Variants in LEPR observed in about 807,000 individuals in gnomAD.
LEPR encodes the protein OB receptor.
LEPR carries 56 observed loss-of-function variants against 114.7 expected under a neutral mutation model. The ratio of observed to expected loss-of-function variants is 0.49; its 90% CI spans 0.39 to 0.61. The LOEUF (loss-of-function observed/expected upper bound fraction) is 0.61. Ranked by LOEUF, LEPR falls within the 20% of genes least tolerant of loss-of-function variation. The pLI is 0.00. For missense variants in LEPR, 1,202 were observed against 1,352.9 expected (o/e 0.89, Z 1.75); for synonymous variants, 443 against 461.4 (o/e 0.96, Z 0.51).
At position 65,636,931 on chromosome 1, in the gene LEPR, T is replaced by C; in HGVS notation, c.3414T>C (p.Phe1138=). The C allele has an allele frequency of 1.2e-6, 2 of 1,608,688 alleles. No individual in the cohort carries two copies. Among genetic ancestry groups the C allele is most frequent in the Non-Finnish European group, 1.7e-6 (2 of 1,178,180 alleles). ...TAGGAACTTCTAGTAAGAAGACTTT[T>C]GCATCTTACATGCCTCAATTCCAAA... is the stretch of plus-strand genomic sequence containing the variant. The part of the protein sequence containing the change: ...INLGTSSKKT[F]ASYMPQFQTC... The change falls in exon 20 of 20, where the codon TTT becomes TTC. Residue 1138 remains phenylalanine, a synonymous_variant. Coordinates refer to ENST00000349533, the MANE Select transcript of LEPR (RefSeq NM_002303.6).
chr1:65,535,507 C>T (rs1284687335), intron 2 of LEPR, among the ~76,000 whole-genome samples: 1 of 151,806 alleles, frequency 6.6e-6, no homozygotes, highest in Non-Finnish European at 1.5e-5. Flanking sequence ...TGCTACCACA[C>T]CTGGCTAATT....
intron 11 of LEPR, 93 bp downstream of exon 11, chr1:65,605,330 A>G (rs1656741186): frequency 1.3e-6 from 2 of 1,518,102 alleles, no homozygotes; most frequent in African/African-American, 2.7e-5. Context: ...TTTTCTGATC[A>G]CATTAGATTT....
At chr1:65,429,323 A>C (rs560369335) in intron 2 of LEPR, among the ~76,000 whole-genome samples, 2 of 152,200 alleles carry the variant, frequency 1.3e-5, no homozygotes, top group South Asian at 2.1e-4. Context: ...AAGAGTGTTC[A>C]AGGGACAGAA....
Position 65,610,418 on chromosome 1 carries a change from T to G in LEPR, c.1995+122T>G, listed in dbSNP as rs1657093267. The G allele has an allele frequency of 6.0e-6, 5 of 835,284 alleles. No homozygotes were observed. In the East Asian group the frequency reaches 1.3e-4, roughly 22 times the overall value. 51.7% of individuals were successfully genotyped at this position (835,284 alleles called of 1,614,324 possible). ...CAACAATCCTGTATTTTCATTGCATTTATGAGATGTATTTAAAGAGAGCTA... is the reference window on the plus strand; with the variant it reads ...CAACAATCCTGTATTTTCATTGCATGTATGAGATGTATTTAAAGAGAGCTA... On this transcript the variant is annotated intron_variant, in intron 14 of 19. Transcript: ENST00000349533.
At chr1:65,554,536 C>A (rs1751485) in intron 2 of LEPR, among the ~76,000 whole-genome samples, 94,257 of 151,854 alleles carry the variant, frequency 0.62, 30,209 homozygotes, top group Middle Eastern at 0.74. Context: ...CCTATTCAAG[C>A]CTCAGTAATG....
Position 65,601,595 on chromosome 1 carries a change from A to C in LEPR, c.1198A>C (p.Lys400Gln). Residue 400 changes from lysine to glutamine, a missense_variant, in exon 9 of 20, where the codon AAA becomes CAA. Coordinates refer to ENST00000349533, the MANE Select transcript of LEPR (RefSeq NM_002303.6). ...KVTFFNLNET[K>Q]PRGKFTYDAV... is the part of the protein sequence containing the mutation. ...TACTTTTTTCAATCTGAATGAAACC[A>C]AACCTCGAGGAAAGTTTACCTATGA... The C allele has an allele frequency of 6.2e-7, 1 of 1,613,780 alleles. No individual in the cohort carries two copies. Among genetic ancestry groups the C allele is most frequent in the Non-Finnish European group, 8.5e-7 (1 of 1,179,768 alleles).
intron 2 of LEPR, among the ~76,000 whole-genome samples, chr1:65,523,459 C>T (rs1416382491): frequency 2.0e-5 from 3 of 151,950 alleles, no homozygotes; most frequent in African/African-American, 7.3e-5. Context: ...TACAGGTGTG[C>T]ACCACCACAC....
chr1:65,521,390 C>T (rs1015724908), intron 2 of LEPR, among the ~76,000 whole-genome samples: 2 of 152,148 alleles, frequency 1.3e-5, no homozygotes, highest in Non-Finnish European at 2.9e-5. Flanking sequence ...CCATGATTAT[C>T]TAGGATAATC....
At chr1:65,571,227 A>G (rs1654126709) in intron 4 of LEPR, among the ~76,000 whole-genome samples, 1 of 152,186 alleles carries the variant, frequency 6.6e-6, no homozygotes, top group Non-Finnish European at 1.5e-5. Flanking sequence ...TAGCTAATGG[A>G]TGCTGGGCTT....
chr1:65,576,697 GA>G, intron 5 of LEPR: 1 of 168,132 alleles, frequency 5.9e-6, no homozygotes, highest in East Asian at 1.8e-4. Flanking sequence ...AAGTCTTAAG[GA>G]AAAATACTGC....
chr1:65,520,948 C>T (rs930612124), intron 2 of LEPR, among the ~76,000 whole-genome samples: 1 of 152,200 alleles, frequency 6.6e-6, no homozygotes, highest in Admixed American at 6.5e-5. Flanking sequence ...GTTCCTTGCT[C>T]TCATTCCGGT....
intron 2 of LEPR, among the ~76,000 whole-genome samples, chr1:65,454,803 G>T (rs1646844121): frequency 6.6e-6 from 1 of 152,120 alleles, no homozygotes; most frequent in Non-Finnish European, 1.5e-5. Context: ...GGCGTTCTCT[G>T]TATTTCCTGA....
At position 65,633,198 on chromosome 1, in the gene LEPR, C is replaced by T. The variant is rs1473203615; in HGVS notation, c.2674-2993C>T. ...CTAATCATGATCACTACAGATGAAC[C>T]CAATGTGCCAACTTCCCAACAGTCT... On this transcript the variant is annotated intron_variant, in intron 19 of 19. Coordinates refer to ENST00000349533, the MANE Select transcript of LEPR (RefSeq NM_002303.6). The surrounding 1 kb of genome is among the most constrained non-coding windows in gnomAD (Gnocchi z 4.1). The T allele has an allele frequency of 6.2e-7, 1 of 1,609,312 alleles. No homozygotes were observed. Among genetic ancestry groups the T allele is most frequent in the Non-Finnish European group, 8.5e-7 (1 of 1,177,564 alleles).
chr1:65,626,311 T>C (rs1465851358), intron 19 of LEPR: 2 of 1,309,750 alleles, frequency 1.5e-6, no homozygotes, highest in Non-Finnish European at 9.8e-7. Flanking sequence ...TCTGGTAAAT[T>C]AAAGAAATGT....
intron 5 of LEPR, among the ~76,000 whole-genome samples, chr1:65,586,614 A>C (rs892407240): frequency 1.3e-4 from 19 of 151,572 alleles, no homozygotes; most frequent in Non-Finnish European, 2.1e-4. Context: ...ATCATGAAAC[A>C]GTCTTTTTTT....
intron 2 of LEPR, among the ~76,000 whole-genome samples, chr1:65,553,395 T>G (rs950660130): frequency 6.6e-6 from 1 of 152,168 alleles, no homozygotes; most frequent in Non-Finnish European, 1.5e-5. Context: ...CCCATATTTC[T>G]TGGAGGCTTA....
intron 2 of LEPR, chr1:65,525,907 C>A: frequency 1.1e-6 from 1 of 932,276 alleles, no homozygotes; most frequent in Non-Finnish European, 1.3e-6. Context: ...ACGCGCGTGG[C>A]AGACGCGGAG....
intron 3 of LEPR, among the ~76,000 whole-genome samples, chr1:65,567,167 A>G (rs1653825255): frequency 6.6e-6 from 1 of 152,214 alleles, no homozygotes; most frequent in Non-Finnish European, 1.5e-5. Flanking sequence ...TTTGGAGGGA[A>G]AGAAATATCA....
chr1:65,609,845 A>T (rs1380597192), intron 12 of LEPR, 102 bp from the exon 13 acceptor site: 2 of 1,515,416 alleles, frequency 1.3e-6, no homozygotes, highest in Non-Finnish European at 1.8e-6. Flanking sequence ...AGTTCTCTTA[A>T]TTTTGGAATA....
Sources: allele counts gnomAD v4.1 joint callset (sites outside exome capture counted in the v4.1 genomes callset), GRCh38; gene constraint gnomAD v4.1.1; non-coding constraint Gnocchi (gnomAD v3.1); transcripts MANE v1.5; gene names NCBI Gene and HGNC (gene_info 2026-07-23, HGNC 2026-07-21).